MXD1: variants seen among roughly 807,000 people sequenced by gnomAD.
MXD1 encodes the protein MAX dimerization protein 1.
In MXD1, 9 loss-of-function variants were observed where a neutral mutation model predicts 25.7. The ratio of observed to expected loss-of-function variants is 0.35; its 90% CI spans 0.21 to 0.61. MXD1 has a LOEUF of 0.61. Among genes scored for constraint, MXD1 ranks in the 20% least tolerant of loss-of-function variants. The pLI, the probability that MXD1 is intolerant of heterozygous loss-of-function variation, is 0.75. For missense variants in MXD1, 227 were observed against 292.4 expected (o/e 0.78, Z 1.63); for synonymous variants, 99 against 113.9 (o/e 0.87, Z 0.83).
chr2:69,931,784 CA>C (rs1677291826), intron 3 of MXD1, among the ~76,000 whole-genome samples: 1 of 152,084 alleles, frequency 6.6e-6, no homozygotes, highest in Non-Finnish European at 1.5e-5. Context: ...CACTGTAGAC[CA>C]AAGGTATATC....
chr2:69,925,299 G>A (rs1677148797), intron 3 of MXD1, among the ~76,000 whole-genome samples: 2 of 151,126 alleles, frequency 1.3e-5, no homozygotes, highest in Admixed American at 1.3e-4. Context: ...AACTAATCTT[G>A]CAGAAAATTT....
At position 69,935,441 on chromosome 2, in the gene MXD1, A is replaced by G. The variant is rs756586578; in HGVS notation, c.294A>G (p.Leu98=). ...GTCGACACACTACGTTGAGTTTATTAACAAAAGCCAAATTGCACATAAAGG... is the reference window on the plus strand; with the variant it reads ...GTCGACACACTACGTTGAGTTTATTGACAAAAGCCAAATTGCACATAAAGG... ...ESSRHTTLSL[L]TKAKLHIKKL... is the part of the protein sequence containing the mutation. Residue 98 remains leucine (L), a synonymous_variant, in exon 4 of 6, where the codon TTA becomes TTG. Transcript: ENST00000264444. 1.2e-5 allele frequency: 20 copies of G among 1,613,620 alleles called. No individual in the cohort carries two copies. The South Asian group carries it at 2.0e-4, about 16-fold the overall frequency.
chr2:69,926,742 T>C (rs1455257365), intron 3 of MXD1, among the ~76,000 whole-genome samples: 1 of 152,240 alleles, frequency 6.6e-6, no homozygotes, highest in Non-Finnish European at 1.5e-5. Flanking sequence ...TTGATGATAA[T>C]TCTGCTATTT....
At chr2:69,931,887 G>A (rs1047422558) in intron 3 of MXD1, among the ~76,000 whole-genome samples, 1 of 152,042 alleles carries the variant, frequency 6.6e-6, no homozygotes, top group Non-Finnish European at 1.5e-5. Flanking sequence ...GTGTGGATCA[G>A]TGCTAAAGGA....
At chr2:69,917,185 A>G (rs2104156796) in intron 2 of MXD1, among the ~76,000 whole-genome samples, 1 of 152,334 alleles carries the variant, frequency 6.6e-6, no homozygotes, top group South Asian at 2.1e-4. Flanking sequence ...GGAATTTCCC[A>G]CTTAAACCTA....
intron 2 of MXD1, among the ~76,000 whole-genome samples, chr2:69,919,429 C>T (rs1363265495): frequency 6.6e-6 from 1 of 152,200 alleles, no homozygotes; most frequent in Non-Finnish European, 1.5e-5. Context: ...ACTACAACCT[C>T]TACCTCCTGG....
rs2104153985 is a variant in MXD1 at position 69,916,121 on chromosome 2, A to T, written c.74A>T (p.Glu25Val). 1 of 1,601,744 alleles carries T rather than the reference A, an allele frequency of 6.2e-7. No homozygotes were observed. The highest frequency in any genetic ancestry group is 8.6e-7 in the Non-Finnish European group (1 of 1,168,784). Reference protein sequence around the residue: ...AADYLERREREAEHGYASMLP... With the variant: ...AADYLERRERVAEHGYASMLP... ...TTAACTGGATCCTCCTGTTTTCTAG[A>T]AGCTGAACATGGTTATGCCTCCATG... Residue 25 changes from glutamate to valine, a missense_variant and splice_region_variant, in exon 2 of 6, where the codon GAA becomes GTA. By Grantham distance (121) the Glu-to-Val change is moderately radical (BLOSUM62 -2). Coordinates refer to ENST00000264444, the MANE Select transcript of MXD1 (RefSeq NM_002357.4).
intron 2 of MXD1, among the ~76,000 whole-genome samples, chr2:69,920,689 G>C (rs1677048561): frequency 6.6e-6 from 1 of 152,134 alleles, no homozygotes; most frequent in African/African-American, 2.4e-5. Context: ...GCTGAACCAG[G>C]GAGTAAACTC....
At chr2:69,931,865 A>C (rs1677294197) in intron 3 of MXD1, among the ~76,000 whole-genome samples, 1 of 152,226 alleles carries the variant, frequency 6.6e-6, no homozygotes, top group Admixed American at 6.5e-5. Flanking sequence ...TCCATGGCCT[A>C]GGTACAAAGC....
At position 69,942,758 on chromosome 2, in the gene MXD1, T is replaced by C. The variant is rs1573415198; in HGVS notation, c.*4474T>C. On this transcript the variant is annotated 3_prime_UTR_variant, in exon 6 of 6. Transcript: ENST00000264444. ...AAGGGTATGCTATTCTGTTTCCAGA[T>C]GTTTCTTTATGTAAATATGACGCCA... The C allele has an allele frequency of 6.6e-6, 1 of 152,240 alleles. No individual in the cohort carries two copies. Among genetic ancestry groups the C allele is most frequent in the East Asian group, 1.9e-4 (1 of 5,206 alleles). The allele number at this position is 152,240 out of a possible 1,614,324, so 9.4% of individuals were successfully genotyped here. A position where few individuals can be genotyped will look rare whatever the true frequency, so the allele number is the denominator to read the frequency against.
At chr2:69,933,200 C>CAAAA (rs59201689) in intron 3 of MXD1, among the ~76,000 whole-genome samples, 6 of 80,150 alleles carry the variant, frequency 7.5e-5, no homozygotes, top group East Asian at 3.6e-4. Flanking sequence ...AACTCTGTCT[C>CAAAA]AAAAAAAAAA....
At chr2:69,929,376 A>G (rs1190398138) in intron 3 of MXD1, among the ~76,000 whole-genome samples, 2 of 152,220 alleles carry the variant, frequency 1.3e-5, no homozygotes, top group African/African-American at 2.4e-5. Context: ...AGCACCATCT[A>G]CCTAATAATC....
chr2:69,938,043 G>A, intron 5 of MXD1, 54 bp from the exon 6 acceptor site: 1 of 1,564,260 alleles, frequency 6.4e-7, no homozygotes, highest in African/African-American at 1.4e-5. Context: ...CACCACGCCT[G>A]AGCTTTCTGC....
chr2:69,936,331 C>T (rs1677437601), intron 4 of MXD1, among the ~76,000 whole-genome samples: 1 of 152,044 alleles, frequency 6.6e-6, no homozygotes, highest in South Asian at 2.1e-4. Context: ...CTATACACCC[C>T]ACGAGGGAGG....
intron 2 of MXD1, among the ~76,000 whole-genome samples, chr2:69,918,372 G>A (rs1227198375): frequency 6.6e-6 from 1 of 152,104 alleles, no homozygotes; most frequent in Non-Finnish European, 1.5e-5. Context: ...TCTTATTCAC[G>A]TTTCTCTAGT....
In MXD1 at chr2:69,915,632, G is replaced by T. The variant is rs944821611; in HGVS notation, c.73+229G>T. On this transcript the variant is annotated intron_variant, in intron 1 of 5. Coordinates refer to ENST00000264444, the MANE Select transcript of MXD1 (RefSeq NM_002357.4). This position sits in a 1 kb window ranked among gnomAD's most constrained non-coding sequence, Gnocchi z 5.8. ...GCCGCCCGCCGGGGTCCCGAACGCC[G>T]CCCCTTCCCCAGCCCTTCACGAGTG... 6.6e-6 allele frequency among the ~76,000 whole-genome samples: 1 copy of T among 152,184 alleles called. No individual in the cohort carries two copies. The highest frequency in any genetic ancestry group is 1.5e-5 in the Non-Finnish European group (1 of 68,020).
At chr2:69,925,988 T>C (rs982960990) in intron 3 of MXD1, among the ~76,000 whole-genome samples, 1 of 152,360 alleles carries the variant, frequency 6.6e-6, no homozygotes, top group Non-Finnish European at 1.5e-5. Context: ...TTTCTCATAC[T>C]ACTAGCATAG....
In MXD1 at chr2:69,938,674, T is replaced by G; in HGVS notation, c.*390T>G. ...CCTAGGAGGAATGTCCAAGTGTGTC[T>G]TGTACTTAGGAAACTGAAGGAAACA... is the stretch of plus-strand genomic sequence containing the variant. On this transcript the variant is annotated 3_prime_UTR_variant, in exon 6 of 6. Transcript: ENST00000264444. 1 of 163,120 alleles carries G rather than the reference T, an allele frequency of 6.1e-6. No homozygotes were observed. The highest frequency in any genetic ancestry group is 1.3e-5 in the Non-Finnish European group (1 of 74,418). 10.1% of individuals were successfully genotyped at this position (163,120 alleles called of 1,614,324 possible). A position where few individuals can be genotyped will look rare whatever the true frequency, so the allele number is the denominator to read the frequency against.
At chr2:69,928,450 A>G (rs1006895800) in intron 3 of MXD1, among the ~76,000 whole-genome samples, 6 of 152,200 alleles carry the variant, frequency 3.9e-5, no homozygotes, top group Admixed American at 1.3e-4. Flanking sequence ...GTGAGAGCTG[A>G]TATCTATCAG....
Sources: allele counts gnomAD v4.1 joint callset (sites outside exome capture counted in the v4.1 genomes callset), GRCh38; gene constraint gnomAD v4.1.1; non-coding constraint Gnocchi (gnomAD v3.1); transcripts MANE v1.5; gene names NCBI Gene and HGNC (gene_info 2026-07-23, HGNC 2026-07-21).